The following LRP1B variants were observed in gnomAD, a reference collection of about 807,000 sequenced individuals.
The protein encoded by LRP1B is LDL receptor related protein 1B.
In LRP1B, 217 loss-of-function variants were observed where a neutral mutation model predicts 556.6. The ratio of observed to expected loss-of-function variants is 0.39; its 90% CI spans 0.35 to 0.44. The LOEUF (loss-of-function observed/expected upper bound fraction) is 0.44. Ranked by LOEUF, LRP1B falls within the 20% of genes least tolerant of loss-of-function variation. The pLI is 1.00. For missense variants in LRP1B, 5,053 were observed against 5,620.8 expected, an observed-to-expected ratio of 0.90 and a Z score of 3.23; for synonymous variants, 2,047 against 1,865.8, an observed-to-expected ratio of 1.10 and a Z score of -2.50.
chr2:141,023,809 T>C (rs757861819), intron 11 of LRP1B, among the ~76,000 whole-genome samples: 1 of 152,006 alleles, frequency 6.6e-6, no homozygotes, highest in Non-Finnish European at 1.5e-5. Flanking sequence ...TACCCAAAAA[T>C]GGCCATTATA....
chr2:142,062,924 A>T (rs990795535), intron 1 of LRP1B, among the ~76,000 whole-genome samples: 1 of 151,648 alleles, frequency 6.6e-6, no homozygotes, highest in African/African-American at 2.4e-5. Flanking sequence ...CATTATGTTC[A>T]ATAAGTATTG....
At position 140,450,610 on chromosome 2, in the gene LRP1B, C is replaced by A; in HGVS notation, c.10015G>T (p.Val3339Leu). The change falls in exon 63 of 91, where the codon GTG becomes TTG. Residue 3339 changes from valine (V) to leucine (L), a missense_variant. Coordinates refer to ENST00000389484, the MANE Select transcript of LRP1B (RefSeq NM_018557.3). Reference sequence around the variant, plus strand: ...TCAGATCCATCACCACAGTCATCCACGGTGTCACATTTCCACCAGAATGGA... The same window carrying A: ...TCAGATCCATCACCACAGTCATCCAAGGTGTCACATTTCCACCAGAATGGA... Reference protein sequence around the residue: ...CIPFWWKCDTVDDCGDGSDEP... With the variant: ...CIPFWWKCDTLDDCGDGSDEP... 1.2e-6 allele frequency: 2 copies of A among 1,612,872 alleles called. No individual in the cohort carries two copies. Among genetic ancestry groups the A allele is most frequent in the Non-Finnish European group, 8.5e-7 (1 of 1,179,450 alleles).
chr2:141,314,919 T>C (rs1426578510), intron 3 of LRP1B, among the ~76,000 whole-genome samples: 1 of 146,188 alleles, frequency 6.8e-6, no homozygotes, highest in Non-Finnish European at 1.5e-5. Flanking sequence ...TACACATATA[T>C]ATATGTATAG....
At chr2:140,483,640 ATTT>A (rs1178469364) in intron 59 of LRP1B, among the ~76,000 whole-genome samples, 4,284 of 70,346 alleles carry the variant, frequency 0.061, 91 homozygotes, top group South Asian at 0.14. Context: ...ATATATATAT[ATTT>A]TTTTTTTTTT....
intron 55 of LRP1B, among the ~76,000 whole-genome samples, chr2:140,499,423 AAC>A (rs372001233): frequency 1.6e-4 from 24 of 151,482 alleles, no homozygotes; most frequent in African/African-American, 5.1e-4. Flanking sequence ...ACATAGAACA[AAC>A]ACACACACAC....
chr2:141,926,940 T>G (rs1700349998), intron 1 of LRP1B, among the ~76,000 whole-genome samples: 1 of 152,094 alleles, frequency 6.6e-6, no homozygotes, highest in African/African-American at 2.4e-5. Flanking sequence ...AAAATTAGGT[T>G]CAGAATAATG....
chr2:140,365,601 TG>T (rs1402524010), intron 71 of LRP1B, among the ~76,000 whole-genome samples: 3 of 151,636 alleles, frequency 2.0e-5, no homozygotes, highest in Non-Finnish European at 4.4e-5. Flanking sequence ...TTAATATCTC[TG>T]GGACTCAATG....
chr2:140,747,332 G>C (rs138661943), intron 35 of LRP1B, among the ~76,000 whole-genome samples: 1 of 152,134 alleles, frequency 6.6e-6, no homozygotes, highest in Non-Finnish European at 1.5e-5. Flanking sequence ...GATTCCTTAG[G>C]TACTTTGTTT....
intron 2 of LRP1B, among the ~76,000 whole-genome samples, chr2:141,669,978 C>T (rs1432697039): frequency 3.3e-5 from 5 of 152,136 alleles, no homozygotes; most frequent in Admixed American, 3.3e-4. Flanking sequence ...TGGTCTCGAA[C>T]TCCTGACCTC....
intron 2 of LRP1B, among the ~76,000 whole-genome samples, chr2:141,708,172 C>T (rs1444249490): frequency 1.3e-5 from 2 of 151,912 alleles, no homozygotes; most frequent in Non-Finnish European, 1.5e-5. Context: ...ACACGTTTAC[C>T]TATGTAACAA....
chr2:140,742,102 A>T (rs1329164823), intron 35 of LRP1B, among the ~76,000 whole-genome samples: 1 of 152,242 alleles, frequency 6.6e-6, no homozygotes, highest in Non-Finnish European at 1.5e-5. Context: ...TTCATATGCG[A>T]TTAAGAATGG....
At chr2:141,568,195 A>G (rs766233948) in intron 2 of LRP1B, among the ~76,000 whole-genome samples, 6 of 151,228 alleles carry the variant, frequency 4.0e-5, no homozygotes, top group Non-Finnish European at 7.4e-5. Flanking sequence ...TTAGAGCATT[A>G]AGGATGGGCT....
intron 1 of LRP1B, among the ~76,000 whole-genome samples, chr2:141,837,899 T>C (rs980957983): frequency 6.6e-6 from 1 of 152,104 alleles, no homozygotes; most frequent in African/African-American, 2.4e-5. Flanking sequence ...CAGAGAAATA[T>C]CTACAGTGTT....
intron 1 of LRP1B, among the ~76,000 whole-genome samples, chr2:141,942,824 A>G (rs1428436338): frequency 6.6e-6 from 1 of 152,188 alleles, no homozygotes; most frequent in Admixed American, 6.5e-5. Context: ...TATATCTCCT[A>G]CAGGGGAATG....
chr2:140,956,015 T>C (rs1286249311), intron 18 of LRP1B, among the ~76,000 whole-genome samples: 3 of 151,772 alleles, frequency 2.0e-5, no homozygotes, highest in Admixed American at 6.6e-5. Context: ...GGAAATTGCA[T>C]AGAAGATTCA....
At chr2:141,280,081 A>T (rs1315179154) in intron 3 of LRP1B, among the ~76,000 whole-genome samples, 2 of 152,080 alleles carry the variant, frequency 1.3e-5, no homozygotes, top group Non-Finnish European at 2.9e-5. Flanking sequence ...AATTATGGTC[A>T]ATTTTAGAGT....
chr2:140,375,400 A>T (rs543228919), intron 68 of LRP1B, among the ~76,000 whole-genome samples: 1 of 152,242 alleles, frequency 6.6e-6, no homozygotes, highest in African/African-American at 2.4e-5. Context: ...GTTTCCTTTA[A>T]TTGGAAAATG....
At chr2:141,843,514 C>T (rs1323087759) in intron 1 of LRP1B, among the ~76,000 whole-genome samples, 3 of 152,150 alleles carry the variant, frequency 2.0e-5, no homozygotes, top group East Asian at 1.9e-4. Flanking sequence ...CATGAGGGCA[C>T]AGCTCATCCA....
Position 141,471,287 on chromosome 2 carries a change from T to G in LRP1B, c.343+9109A>C, listed in dbSNP as rs796914368. Among the ~76,000 whole-genome samples the G allele has an allele frequency of 8.9e-3, 605 of 68,126 alleles. 10 individuals are homozygous for G. Among genetic ancestry groups the G allele is most frequent in the South Asian group, 0.021 (67 of 3,130 alleles). The allele number at this position is 68,126 out of a possible 152,430, so 44.7% of individuals were successfully genotyped here. A position where few individuals can be genotyped will look rare whatever the true frequency, so the allele number is the denominator to read the frequency against. Reference sequence around the variant, plus strand: ...CCTGGTATTTTTTTTTTTTTTTTTTTTTTTTTTACTCTCTTGCTTTTTGTG... The same window carrying G: ...CCTGGTATTTTTTTTTTTTTTTTTTGTTTTTTTACTCTCTTGCTTTTTGTG... On this transcript the variant is annotated intron_variant, in intron 3 of 90. Coordinates refer to ENST00000389484, the MANE Select transcript of LRP1B (RefSeq NM_018557.3).
Sources: allele counts gnomAD v4.1 joint callset (sites outside exome capture counted in the v4.1 genomes callset), GRCh38; gene constraint gnomAD v4.1.1; transcripts MANE v1.5; gene names NCBI Gene and HGNC (gene_info 2026-07-23, HGNC 2026-07-21).